LAMA3: variants seen among roughly 807,000 people sequenced by gnomAD.
LAMA3 encodes the protein laminin subunit alpha 3.
In LAMA3, 281 loss-of-function variants were observed where a neutral mutation model predicts 402.0. The observed-to-expected ratio is 0.70, with a 90% CI of 0.63 to 0.77. The LOEUF is 0.77. Among genes scored for constraint, LAMA3 ranks in the 30% least tolerant of loss-of-function variants. The pLI is 0.00. For synonymous variants in LAMA3, 1,431 were observed against 1,558.4 expected, an observed-to-expected ratio of 0.92 and a Z score of 1.93; for missense variants, 3,840 against 4,215.5, an observed-to-expected ratio of 0.91 and a Z score of 2.47.
intron 21 of LAMA3, among the ~76,000 whole-genome samples, chr18:23,825,539 T>C (rs1301894667): frequency 6.6e-6 from 1 of 152,174 alleles, no homozygotes; most frequent in Non-Finnish European, 1.5e-5. Flanking sequence ...TCCTTCCAAA[T>C]TGGGATCTTA....
At chr18:23,912,514 G>A (rs562835918) in intron 55 of LAMA3, among the ~76,000 whole-genome samples, 197 bp from the exon 56 acceptor site, 52 of 152,110 alleles carry the variant, frequency 3.4e-4, no homozygotes, top group Non-Finnish European at 6.9e-4. Flanking sequence ...ACACAGCTCC[G>A]GAAACAGCTT....
chr18:23,889,713 GAAGGAAGGAAGA>G (rs2080584902), intron 41 of LAMA3, among the ~76,000 whole-genome samples: 1 of 140,860 alleles, frequency 7.1e-6, no homozygotes, highest in African/African-American at 2.8e-5. Flanking sequence ...AGGAAGGGAG[GAAGGAAGGAAGA>G]AAGGAAGGAA....
At chr18:23,936,060 C>G (rs1352451080) in intron 67 of LAMA3, among the ~76,000 whole-genome samples, 4 of 152,056 alleles carry the variant, frequency 2.6e-5, no homozygotes, top group Non-Finnish European at 4.4e-5. Context: ...TCTCAACACA[C>G]CCCTCTGAGA....
At chr18:23,730,793 C>T (rs987485124) in intron 2 of LAMA3, among the ~76,000 whole-genome samples, 6 of 151,938 alleles carry the variant, frequency 3.9e-5, no homozygotes, top group African/African-American at 1.2e-4. Flanking sequence ...ATACGCTGTC[C>T]GGGCATATTT....
intron 67 of LAMA3, among the ~76,000 whole-genome samples, chr18:23,938,557 T>C (rs1448686967): frequency 6.6e-6 from 1 of 152,170 alleles, no homozygotes; most frequent in African/African-American, 2.4e-5. Flanking sequence ...TCTCTCCTGC[T>C]ATCTTGGTCC....
intron 59 of LAMA3, 107 bp from the exon 60 acceptor site, chr18:23,916,444 A>ATT: frequency 7.6e-7 from 1 of 1,307,404 alleles, no homozygotes; most frequent in Non-Finnish European, 1.1e-6. Context: ...ACTAGATTGC[A>ATT]TTTTCTTGGC....
chr18:23,887,079 G>A (rs1412056033), intron 41 of LAMA3, among the ~76,000 whole-genome samples: 4 of 152,200 alleles, frequency 2.6e-5, no homozygotes, highest in Non-Finnish European at 2.9e-5. Flanking sequence ...CACTTATTCA[G>A]TTATTCTTTC....
At chr18:23,843,094 G>C (rs1446370704) in intron 29 of LAMA3, among the ~76,000 whole-genome samples, 2 of 151,974 alleles carry the variant, frequency 1.3e-5, no homozygotes, top group Non-Finnish European at 2.9e-5. Context: ...AGCGCTCCTT[G>C]GGTGATTTCT....
rs1340363757 is a variant in LAMA3 at position 23,839,254 on chromosome 18, A to G, written c.3191+376A>G. Among the ~76,000 whole-genome samples, 5 of 152,198 alleles carry G rather than the reference A, an allele frequency of 3.3e-5. No individual in the cohort carries two copies. Among genetic ancestry groups the G allele is most frequent in the African/African-American group, 9.6e-5 (4 of 41,458 alleles). On this transcript the variant is annotated intron_variant, in intron 26 of 74. Coordinates refer to ENST00000313654, the MANE Select transcript of LAMA3 (RefSeq NM_198129.4). This position sits in a 1 kb window ranked among gnomAD's most constrained non-coding sequence, Gnocchi z 4.5. ...ACCTATCTCATAACTATGTGATGAG[A>G]ATCAGCTAACTAATGCTTATTGGGG...
In LAMA3 at chr18:23,858,733, A is replaced by C; in HGVS notation, c.4326A>C (p.Ser1442=). The C allele has an allele frequency of 6.2e-7, 1 of 1,614,078 alleles. No homozygotes were observed. Among genetic ancestry groups the C allele is most frequent in the Non-Finnish European group, 8.5e-7 (1 of 1,179,902 alleles). ...GTECNVCREG[S]FHLDPANLKG... is the part of the protein sequence containing the mutation. ...AGTGTAATGTGTGTCGAGAAGGCTC[A>C]TTCCATTTGGACCCAGCCAATCTCA... The change falls in exon 34 of 75, where the codon TCA becomes TCC. Residue 1442 remains serine (S), a synonymous_variant. Coordinates refer to ENST00000313654, the MANE Select transcript of LAMA3 (RefSeq NM_198129.4).
chr18:23,888,094 G>A (rs1162431688), intron 41 of LAMA3, among the ~76,000 whole-genome samples: 1 of 152,192 alleles, frequency 6.6e-6, no homozygotes, highest in Non-Finnish European at 1.5e-5. Flanking sequence ...CAAAAATAAA[G>A]TATTCTAGAA....
At chr18:23,713,810 A>T (rs1432463494) in intron 1 of LAMA3, 110 bp from the exon 2 acceptor site, 1 of 929,950 alleles carries the variant, frequency 1.1e-6, no homozygotes, top group Non-Finnish European at 1.7e-6. Context: ...AAGCTGTATA[A>T]GATAGTCTTT....
chr18:23,711,896 G>T (rs1479543409), intron 1 of LAMA3, among the ~76,000 whole-genome samples: 1 of 152,166 alleles, frequency 6.6e-6, no homozygotes, highest in Non-Finnish European at 1.5e-5. Flanking sequence ...GGAGATAAAT[G>T]TAAATCATAA....
chr18:23,900,570 A>C (rs2081038552), intron 47 of LAMA3, among the ~76,000 whole-genome samples: 1 of 152,244 alleles, frequency 6.6e-6, no homozygotes, highest in Non-Finnish European at 1.5e-5. Context: ...AACAGAATAC[A>C]TCAAAAGGTT....
chr18:23,722,909 C>T (rs924169863), intron 2 of LAMA3, among the ~76,000 whole-genome samples: 1 of 152,104 alleles, frequency 6.6e-6, no homozygotes, highest in Non-Finnish European at 1.5e-5. Flanking sequence ...ATTGTAAAGT[C>T]GTCAGAGGGA....
chr18:23,893,350 T>A (rs1309667168), intron 42 of LAMA3, among the ~76,000 whole-genome samples: 1 of 152,118 alleles, frequency 6.6e-6, no homozygotes, highest in East Asian at 1.9e-4. Context: ...ACCAGCAGGC[T>A]TTACTGTAGC....
intron 13 of LAMA3, among the ~76,000 whole-genome samples, 159 bp from the exon 14 acceptor site, chr18:23,812,898 T>C (rs888492842): frequency 6.6e-6 from 1 of 152,244 alleles, no homozygotes; most frequent in Non-Finnish European, 1.5e-5. Flanking sequence ...TCATTCAAGA[T>C]GCCTGACTAT....
chr18:23,721,268 T>G (rs1432539667), intron 2 of LAMA3, among the ~76,000 whole-genome samples: 2 of 152,154 alleles, frequency 1.3e-5, no homozygotes, highest in African/African-American at 4.8e-5. Context: ...CTAAATACAA[T>G]GAAGGTATAT....
At chr18:23,946,512 A>G (rs1016514770) in intron 70 of LAMA3, 3 of 560,896 alleles carry the variant, frequency 5.3e-6, no homozygotes, top group African/African-American at 3.8e-5. Context: ...AAGGGTGAAG[A>G]TAGAGCTTCT....
Sources: allele counts gnomAD v4.1 joint callset (sites outside exome capture counted in the v4.1 genomes callset), GRCh38; gene constraint gnomAD v4.1.1; non-coding constraint Gnocchi (gnomAD v3.1); transcripts MANE v1.5; gene names NCBI Gene and HGNC (gene_info 2026-07-23, HGNC 2026-07-21).